Variants in SLC27A6 observed in about 807,000 individuals in gnomAD.
The protein encoded by SLC27A6 is long-chain fatty acid transport protein 6.
In SLC27A6, 74 loss-of-function variants were observed where a neutral mutation model predicts 63.9. That is an observed-to-expected ratio of 1.16 (90% confidence interval 0.96 to 1.40). The LOEUF (loss-of-function observed/expected upper bound fraction) is 1.40. Ranked by LOEUF, SLC27A6 falls within the 40% of genes most tolerant of loss-of-function variation. SLC27A6 has a pLI of 0.00. For missense variants in SLC27A6, 794 were observed against 732.9 expected (o/e 1.08, Z -0.96); for synonymous variants, 287 against 260.8 (o/e 1.10, Z -0.97).
Position 128,989,919 on chromosome 5 carries a change from G to A in SLC27A6, c.845-421G>A, listed in dbSNP as rs1165762277. Among the ~76,000 whole-genome samples, 25 of 110,574 alleles carry A rather than the reference G, an allele frequency of 2.3e-4. No homozygotes were observed. In the East Asian group the frequency reaches 7.0e-3, roughly 31 times the overall value. 72.5% of individuals were successfully genotyped at this position (110,574 alleles called of 152,430 possible). ...AGCCTGGATGACAGGGTGAGACTCC[G>A]TCTCAAAAAAAAAAAAAAAAAGATA... On this transcript the variant is annotated intron_variant, in intron 3 of 9. Transcript: ENST00000262462.
rs1749894447 is a variant in SLC27A6, at chr5:128,966,357, A to G, written c.220A>G (p.Ile74Val). Residue 74 changes from isoleucine (I) to valine (V), a missense_variant, in exon 1 of 10, where the codon ATC becomes GTC. Transcript: ENST00000262462. ...AKRQPRKPFI[I>V]YEGDIYTYQD... ...AAGACAACCTCGGAAACCTTTCATC[A>G]TCTATGAGGGAGACATCTACACCTA... 7.4e-6 allele frequency: 12 copies of G among 1,613,924 alleles called. No homozygotes were observed. In the East Asian group the frequency reaches 2.5e-4, roughly 33 times the overall value.
At chr5:128,967,623 TA>T (rs1749956673) in intron 1 of SLC27A6, among the ~76,000 whole-genome samples, 1 of 152,198 alleles carries the variant, frequency 6.6e-6, no homozygotes, top group Admixed American at 6.5e-5. Context: ...TATGATATAA[TA>T]TTTGTATATC....
At position 129,016,038 on chromosome 5, in the gene SLC27A6, G is replaced by T. The variant is rs1476601907; in HGVS notation, c.1123G>T (p.Gly375Trp). The change falls in exon 5 of 10, where the codon GGG becomes TGG. Residue 375 changes from glycine to tryptophan, a missense_variant. By Grantham distance (184) the Gly-to-Trp change is radical. Transcript: ENST00000262462. ...ESSISFMNYT[G>W]RIGAIGRTNL... ...AAGCATATCTTTCATGAACTACACT[G>T]GGAGAATTGGAGCAATTGGGAGAAC... 4 of 1,596,644 alleles carry T rather than the reference G, an allele frequency of 2.5e-6. No individual in the cohort carries two copies. Among genetic ancestry groups the T allele is most frequent in the Non-Finnish European group, 3.4e-6 (4 of 1,175,562 alleles).
chr5:128,984,215 T>C (rs2150133665), intron 1 of SLC27A6, among the ~76,000 whole-genome samples: 1 of 152,288 alleles, frequency 6.6e-6, no homozygotes, highest in Non-Finnish European at 1.5e-5. Flanking sequence ...AAAATGATGC[T>C]TCACTTGCTT....
chr5:129,019,312 A>G (rs1048031661), intron 5 of SLC27A6, among the ~76,000 whole-genome samples: 4 of 152,102 alleles, frequency 2.6e-5, no homozygotes, highest in Admixed American at 1.3e-4. Flanking sequence ...TGGGGAAAGT[A>G]ACTAGGAAGA....
intron 1 of SLC27A6, among the ~76,000 whole-genome samples, chr5:128,967,275 C>A (rs921811897): frequency 6.6e-6 from 1 of 152,092 alleles, no homozygotes; most frequent in Non-Finnish European, 1.5e-5. Context: ...TTAGGCTACA[C>A]GTATTTTCAC....
At chr5:128,987,425 TAGTC>T (rs1025736950) in intron 2 of SLC27A6, among the ~76,000 whole-genome samples, 2 of 152,144 alleles carry the variant, frequency 1.3e-5, no homozygotes, top group African/African-American at 4.8e-5. Flanking sequence ...TATAAACTGA[TAGTC>T]AGTAGTCTCC....
chr5:128,970,423 C>T (rs1484243857), intron 1 of SLC27A6, among the ~76,000 whole-genome samples: 1 of 152,168 alleles, frequency 6.6e-6, no homozygotes, highest in Non-Finnish European at 1.5e-5. Context: ...TTAATTATTG[C>T]CTCAATTTCA....
chr5:128,987,696 G>A (rs979629701), intron 2 of SLC27A6, among the ~76,000 whole-genome samples: 1 of 152,048 alleles, frequency 6.6e-6, no homozygotes, highest in Non-Finnish European at 1.5e-5. Context: ...GGTAAGAGAA[G>A]GAAAACAGGA....
intron 2 of SLC27A6, 112 bp downstream of exon 2, chr5:128,985,448 G>T: frequency 1.3e-6 from 1 of 780,714 alleles, no homozygotes; most frequent in East Asian, 2.6e-5. Context: ...ATGCATGCTT[G>T]CAAGAAGATG....
rs956459558 is a variant in SLC27A6, at chr5:128,966,417, C to T, written c.280C>T (p.His94Tyr). 3.1e-6 allele frequency: 5 copies of T among 1,608,894 alleles called. No individual in the cohort carries two copies. The highest frequency in any genetic ancestry group is 1.7e-4 in the Middle Eastern group (1 of 6,040). The change falls in exon 1 of 10, where the codon CAT becomes TAT. Residue 94 changes from histidine to tyrosine, a missense_variant. His to Tyr is a moderately conservative substitution (Grantham distance 83). Coordinates refer to ENST00000262462, the MANE Select transcript of SLC27A6 (RefSeq NM_001017372.3). ...AGACAAAAGGAGCAGCAGAGTGGCCCATGTCTTCCTGAACCATTCCTCTCT... is the reference window on the plus strand; with the variant it reads ...AGACAAAAGGAGCAGCAGAGTGGCCTATGTCTTCCTGAACCATTCCTCTCT... ...DVDKRSSRVA[H>Y]VFLNHSSLKK...
chr5:128,998,542 G>A (rs1751233150), intron 4 of SLC27A6, among the ~76,000 whole-genome samples: 1 of 151,850 alleles, frequency 6.6e-6, no homozygotes, highest in Non-Finnish European at 1.5e-5. Context: ...CAATTTTATA[G>A]TGGCTTGTCA....
At position 129,014,573 on chromosome 5, in the gene SLC27A6, G is replaced by A. The variant is rs148987313; in HGVS notation, c.970-1312G>A. On this transcript the variant is annotated intron_variant, in intron 4 of 9. Coordinates refer to ENST00000262462, the MANE Select transcript of SLC27A6 (RefSeq NM_001017372.3). The stretch of plus-strand genomic sequence containing the variant: ...GGTATGACGTGAAGGACTCTATTTT[G>A]TAAAATTAATTTTCACAGTAAGTTC... Among the ~76,000 whole-genome samples, 69 of 152,228 alleles carry A rather than the reference G, an allele frequency of 4.5e-4. 1 individual carries two copies. The East Asian group carries it at 0.01, about 23-fold the overall frequency.
rs564423369 is a variant in SLC27A6, at chr5:129,001,384, A to G, written c.969+10920A>G. On this transcript the variant is annotated intron_variant, in intron 4 of 9. Coordinates refer to ENST00000262462, the MANE Select transcript of SLC27A6 (RefSeq NM_001017372.3). Reference sequence around the variant, plus strand: ...GCAATAGCCATTTGACTTGGTGTCTATATTGTTTCAGTGTATAATATTGGA... The same window carrying G: ...GCAATAGCCATTTGACTTGGTGTCTGTATTGTTTCAGTGTATAATATTGGA... 8.7e-4 allele frequency among the ~76,000 whole-genome samples: 132 copies of G among 152,274 alleles called. 1 individual carries two copies. In the South Asian group the frequency reaches 0.015, roughly 17 times the overall value.
chr5:128,993,280 T>C (rs1751040228), intron 4 of SLC27A6, among the ~76,000 whole-genome samples: 1 of 152,140 alleles, frequency 6.6e-6, no homozygotes, highest in African/African-American at 2.4e-5. Context: ...CCTTGAAACA[T>C]GGTGAGTAAG....
chr5:128,968,524 A>C (rs1382964503), intron 1 of SLC27A6, among the ~76,000 whole-genome samples: 2 of 152,002 alleles, frequency 1.3e-5, no homozygotes, highest in Non-Finnish European at 2.9e-5. Context: ...GATGATGAGC[A>C]TTTTTTCATG....
intron 5 of SLC27A6, among the ~76,000 whole-genome samples, chr5:129,016,463 G>C (rs1201179795): frequency 4.2e-5 from 6 of 143,318 alleles, no homozygotes; most frequent in Non-Finnish European, 9.1e-5. Context: ...TACTATGCTT[G>C]TAAATTGTGG....
intron 4 of SLC27A6, among the ~76,000 whole-genome samples, chr5:129,009,678 T>C (rs1751661798): frequency 6.7e-6 from 1 of 149,726 alleles, no homozygotes; most frequent in East Asian, 1.9e-4. Context: ...TCTTTGTGTG[T>C]GTGTGTGTGT....
At chr5:128,967,517 A>G (rs1254640341) in intron 1 of SLC27A6, among the ~76,000 whole-genome samples, 1 of 152,212 alleles carries the variant, frequency 6.6e-6, no homozygotes, top group Non-Finnish European at 1.5e-5. Flanking sequence ...ATACATACCA[A>G]TACCTTGTAT....
Sources: allele counts gnomAD v4.1 joint callset (sites outside exome capture counted in the v4.1 genomes callset), GRCh38; gene constraint gnomAD v4.1.1; transcripts MANE v1.5; gene names NCBI Gene and HGNC (gene_info 2026-07-23, HGNC 2026-07-21).